The following EPHA6 variants were observed in gnomAD, a reference collection of about 807,000 sequenced individuals.
The protein encoded by EPHA6 is EPH receptor A6.
In EPHA6, 50 loss-of-function variants were observed where a neutral mutation model predicts 112.0. The observed-to-expected ratio is 0.45, with a 90% CI of 0.36 to 0.56. The LOEUF (loss-of-function observed/expected upper bound fraction) is 0.56. EPHA6 is among the 20% of genes least tolerant of loss of function. EPHA6 has a pLI of 0.00. For synonymous variants in EPHA6, 529 were observed against 490.7 expected (o/e 1.08, Z -1.03); for missense variants, 1,280 against 1,417.4 (o/e 0.90, Z 1.56).
intron 1 of EPHA6, among the ~76,000 whole-genome samples, chr3:96,832,593 A>G (rs1285280538): frequency 6.6e-6 from 1 of 152,074 alleles, no homozygotes; most frequent in Non-Finnish European, 1.5e-5. Context: ...GGTTATTGCC[A>G]TTGGCCTGGT....
At chr3:96,864,781 A>G (rs978492548) in intron 1 of EPHA6, among the ~76,000 whole-genome samples, 1 of 152,148 alleles carries the variant, frequency 6.6e-6, no homozygotes, top group Non-Finnish European at 1.5e-5. Flanking sequence ...CAACTAACTT[A>G]TTAGCATTTA....
chr3:96,903,224 A>G (rs966296032), intron 2 of EPHA6, among the ~76,000 whole-genome samples: 2 of 152,134 alleles, frequency 1.3e-5, no homozygotes, highest in Non-Finnish European at 2.9e-5. Context: ...AGCTCAGATG[A>G]TTGGCAAGTA....
chr3:97,324,453 C>CTT (rs2082300495), intron 5 of EPHA6, among the ~76,000 whole-genome samples: 1 of 144,088 alleles, frequency 6.9e-6, no homozygotes, highest in African/African-American at 2.6e-5. Context: ...TTCTTTCTTT[C>CTT]TTTCTTTCTT....
chr3:96,830,391 A>C (rs1252538023), intron 1 of EPHA6, among the ~76,000 whole-genome samples: 3 of 152,140 alleles, frequency 2.0e-5, no homozygotes, highest in Non-Finnish European at 4.4e-5. Context: ...AATACTTTTC[A>C]ACTGTGTATA....
chr3:96,980,525 G>A (rs1349727143), intron 2 of EPHA6, among the ~76,000 whole-genome samples: 12 of 152,148 alleles, frequency 7.9e-5, no homozygotes, highest in Non-Finnish European at 1.5e-4. Flanking sequence ...GGATTGTCTT[G>A]GCAATGCGGG....
chr3:97,117,283 A>G (rs1430883364), intron 3 of EPHA6, among the ~76,000 whole-genome samples: 1 of 151,494 alleles, frequency 6.6e-6, no homozygotes, highest in African/African-American at 2.4e-5. Context: ...TTTTTTCTTT[A>G]TTCTGTTGAT....
At chr3:96,861,209 C>T (rs2035985362) in intron 1 of EPHA6, among the ~76,000 whole-genome samples, 2 of 152,050 alleles carry the variant, frequency 1.3e-5, no homozygotes, top group African/African-American at 4.8e-5. Flanking sequence ...TCAAGATGAA[C>T]ATTTCTAGTA....
At chr3:97,050,649 C>T (rs2045656274) in intron 3 of EPHA6, among the ~76,000 whole-genome samples, 1 of 152,054 alleles carries the variant, frequency 6.6e-6, no homozygotes, top group Non-Finnish European at 1.5e-5. Flanking sequence ...ATGTTATTCT[C>T]CAATTCTAAA....
intron 10 of EPHA6, among the ~76,000 whole-genome samples, chr3:97,523,701 TTAA>T (rs1404474529): frequency 6.6e-6 from 1 of 152,080 alleles, no homozygotes; most frequent in Non-Finnish European, 1.5e-5. Context: ...TTCAGATTTA[TTAA>T]TGTTTGCTTT....
chr3:97,392,317 A>G (rs554406697), intron 5 of EPHA6, among the ~76,000 whole-genome samples: 1 of 151,896 alleles, frequency 6.6e-6, no homozygotes, highest in South Asian at 2.1e-4. Flanking sequence ...AAAAATCATT[A>G]GCTATTGCAC....
intron 14 of EPHA6, among the ~76,000 whole-genome samples, chr3:97,690,521 G>A (rs183852264): frequency 2.5e-4 from 37 of 150,958 alleles, no homozygotes; most frequent in Admixed American, 5.3e-4. Flanking sequence ...AGGCTGGAGC[G>A]TAGTGGCACA....
intron 7 of EPHA6, among the ~76,000 whole-genome samples, chr3:97,458,226 C>T (rs762682120): frequency 3.3e-5 from 5 of 151,810 alleles, no homozygotes; most frequent in Non-Finnish European, 5.9e-5. Flanking sequence ...TGTGCAGAAA[C>T]CCAAGCATGA....
chr3:97,126,044 A>C (rs1246757814), intron 3 of EPHA6, among the ~76,000 whole-genome samples: 1 of 152,216 alleles, frequency 6.6e-6, no homozygotes, highest in Non-Finnish European at 1.5e-5. Flanking sequence ...GCGAGTATTC[A>C]AGTCTGTGAT....
At chr3:97,121,180 A>G (rs1403213579) in intron 3 of EPHA6, among the ~76,000 whole-genome samples, 1 of 152,012 alleles carries the variant, frequency 6.6e-6, no homozygotes, top group Non-Finnish European at 1.5e-5. Flanking sequence ...GTAGTTTCCA[A>G]TTATTTTGAG....
intron 2 of EPHA6, among the ~76,000 whole-genome samples, chr3:96,952,764 A>G (rs2041600436): frequency 6.6e-6 from 1 of 152,114 alleles, no homozygotes. Flanking sequence ...TTGACGGGAA[A>G]TCAAATACTG....
At chr3:96,860,320 A>G (rs1485555161) in intron 1 of EPHA6, among the ~76,000 whole-genome samples, 2 of 152,062 alleles carry the variant, frequency 1.3e-5, no homozygotes, top group Non-Finnish European at 2.9e-5. Context: ...TCACAGACTC[A>G]AAGTTATTTT....
chr3:96,916,375 A>G (rs2039483467), intron 2 of EPHA6, among the ~76,000 whole-genome samples: 1 of 152,040 alleles, frequency 6.6e-6, no homozygotes, highest in South Asian at 2.1e-4. Context: ...TTTTTTTGGT[A>G]ACATCTTTAC....
intron 2 of EPHA6, among the ~76,000 whole-genome samples, chr3:96,883,615 T>G (rs1307628474): frequency 1.3e-5 from 2 of 152,108 alleles, no homozygotes; most frequent in African/African-American, 4.8e-5. Flanking sequence ...GAGGATGTAG[T>G]TTCATTCTCC....
chr3:97,607,890 C>G (rs2093691368), intron 12 of EPHA6, among the ~76,000 whole-genome samples: 1 of 151,164 alleles, frequency 6.6e-6, no homozygotes, highest in African/African-American at 2.4e-5. Flanking sequence ...CCAAAAAACA[C>G]TGTTGCCAAT....
Sources: gnomAD v4.1 joint callset for allele counts (sites outside exome capture counted in the v4.1 genomes callset) on GRCh38, gnomAD v4.1.1 for gene constraint, MANE v1.5 for transcripts, NCBI Gene and HGNC (gene_info 2026-07-23, HGNC 2026-07-21) for gene names.